BTBD9: variants seen among roughly 807,000 people sequenced by gnomAD.
The protein encoded by BTBD9 is BTB/POZ domain-containing protein 9.
In BTBD9, 49 loss-of-function variants were observed where a neutral mutation model predicts 64.3. The observed-to-expected ratio is 0.76, with a 90% CI of 0.61 to 0.97. The LOEUF (loss-of-function observed/expected upper bound fraction) is 0.97, where lower values mean the gene tolerates loss of function less well. BTBD9 is among the 50% of genes least tolerant of loss of function. The pLI is 0.00. For synonymous variants in BTBD9, 260 were observed against 274.7 expected (o/e 0.95, Z 0.53); for missense variants, 598 against 762.1 (o/e 0.78, Z 2.53).
At chr6:38,296,164 T>C (rs1762152435) in intron 7 of BTBD9, among the ~76,000 whole-genome samples, 2 of 152,216 alleles carry the variant, frequency 1.3e-5, no homozygotes, top group South Asian at 4.1e-4. Context: ...TAATTGTAAA[T>C]CTTAGTTAGC....
intron 6 of BTBD9, among the ~76,000 whole-genome samples, chr6:38,573,855 G>C (rs1187639294): frequency 2.0e-5 from 3 of 152,126 alleles, no homozygotes; most frequent in African/African-American, 7.2e-5. Context: ...TTTCTGTTTA[G>C]TACTAGGCTC....
chr6:38,356,658 CAT>C (rs1018695622), intron 6 of BTBD9, among the ~76,000 whole-genome samples: 1 of 152,100 alleles, frequency 6.6e-6, no homozygotes, highest in Non-Finnish European at 1.5e-5. Context: ...AGTTTCCTCA[CAT>C]GTCTGGTTGT....
intron 7 of BTBD9, among the ~76,000 whole-genome samples, chr6:38,303,169 C>T (rs564363983): frequency 1.3e-5 from 2 of 152,236 alleles, no homozygotes; most frequent in Admixed American, 6.5e-5. Flanking sequence ...TCTATAATTG[C>T]TATTGCTGCC....
chr6:38,190,617 A>C (rs1226648688), intron 10 of BTBD9, among the ~76,000 whole-genome samples: 4 of 152,178 alleles, frequency 2.6e-5, no homozygotes, highest in Non-Finnish European at 5.9e-5. Flanking sequence ...CTAGTGACCT[A>C]CTATCCAACC....
At chr6:38,496,874 C>T (rs1321897026) in intron 6 of BTBD9, among the ~76,000 whole-genome samples, 2 of 152,128 alleles carry the variant, frequency 1.3e-5, no homozygotes, top group African/African-American at 2.4e-5. Flanking sequence ...TCCCTTGCTA[C>T]GTTAGTGTCT....
chr6:38,317,358 C>G (rs1371106508), intron 7 of BTBD9, among the ~76,000 whole-genome samples: 1 of 152,166 alleles, frequency 6.6e-6, no homozygotes, highest in Non-Finnish European at 1.5e-5. Flanking sequence ...ACTGAAAGGT[C>G]TGCTGCCAGA....
chr6:38,605,236 G>C (rs541640289), intron 1 of BTBD9, among the ~76,000 whole-genome samples: 1 of 151,962 alleles, frequency 6.6e-6, no homozygotes, highest in South Asian at 2.1e-4. Flanking sequence ...TAGTAGAGAC[G>C]GGGTTTCACC....
Position 38,172,825 on chromosome 6 carries a change from T to G in BTBD9, c.*2160A>C, listed in dbSNP as rs1202102912. The G allele has an allele frequency of 6.6e-6, 1 of 152,324 alleles. No homozygotes were observed. Among genetic ancestry groups the G allele is most frequent in the African/African-American group, 2.4e-5 (1 of 41,466 alleles). 9.4% of individuals were successfully genotyped at this position (152,324 alleles called of 1,614,324 possible). A position where few individuals can be genotyped will look rare whatever the true frequency, so the allele number is the denominator to read the frequency against. On this transcript the variant is annotated 3_prime_UTR_variant, in exon 11 of 11. Transcript: ENST00000481247. ...CAGATGTGGGTCTAGGGCCGAGGCTTTGCAGCGTATTCCTTTTCAGATGCG... is the reference window on the plus strand; with the variant it reads ...CAGATGTGGGTCTAGGGCCGAGGCTGTGCAGCGTATTCCTTTTCAGATGCG...
chr6:38,334,825 C>A (rs1295562083), intron 7 of BTBD9, among the ~76,000 whole-genome samples: 1 of 151,560 alleles, frequency 6.6e-6, no homozygotes, highest in Non-Finnish European at 1.5e-5. Flanking sequence ...AAAACAAGAG[C>A]AGTAAAAATT....
chr6:38,201,720 G>A (rs1762467723), intron 9 of BTBD9, among the ~76,000 whole-genome samples: 1 of 152,176 alleles, frequency 6.6e-6, no homozygotes, highest in Non-Finnish European at 1.5e-5. Context: ...ACTCTTAAGG[G>A]TTGATAAGCA....
At chr6:38,570,804 C>T (rs908319262) in intron 6 of BTBD9, among the ~76,000 whole-genome samples, 23 of 152,146 alleles carry the variant, frequency 1.5e-4, no homozygotes, top group African/African-American at 5.6e-4. Flanking sequence ...ACATAATTAA[C>T]GCTCCACATC....
At chr6:38,260,487 C>T (rs567548597) in intron 8 of BTBD9, among the ~76,000 whole-genome samples, 1 of 152,194 alleles carries the variant, frequency 6.6e-6, no homozygotes, top group South Asian at 2.1e-4. Flanking sequence ...CATCTCAAAA[C>T]ATTTCATGGA....
At chr6:38,468,585 G>A (rs191623457) in intron 6 of BTBD9, among the ~76,000 whole-genome samples, 418 of 152,164 alleles carry the variant, frequency 2.7e-3, no homozygotes, top group Non-Finnish European at 4.4e-3. Context: ...AATACATACT[G>A]CTTTATTATT....
chr6:38,596,628 G>A (rs1322407198), intron 2 of BTBD9, among the ~76,000 whole-genome samples: 2 of 151,822 alleles, frequency 1.3e-5, no homozygotes, highest in Admixed American at 1.3e-4. Context: ...GTGAAACCCC[G>A]TCTCTATTAA....
chr6:38,449,944 A>G (rs1769445220), intron 6 of BTBD9, among the ~76,000 whole-genome samples: 2 of 152,228 alleles, frequency 1.3e-5, no homozygotes, highest in South Asian at 4.1e-4. Flanking sequence ...GGATTACATA[A>G]AACTAAAAAG....
intron 8 of BTBD9, among the ~76,000 whole-genome samples, chr6:38,264,635 T>C (rs897642425): frequency 5.3e-5 from 8 of 152,186 alleles, no homozygotes; most frequent in Admixed American, 3.9e-4. Flanking sequence ...AGAGGGACTT[T>C]CCCAAAGATG....
At chr6:38,224,566 G>C (rs1763324981) in intron 9 of BTBD9, among the ~76,000 whole-genome samples, 1 of 152,200 alleles carries the variant, frequency 6.6e-6, no homozygotes, top group Non-Finnish European at 1.5e-5. Context: ...CAATGGAGAA[G>C]CTCTATCAAC....
At chr6:38,242,670 T>G (rs1438921331) in intron 9 of BTBD9, among the ~76,000 whole-genome samples, 1 of 152,234 alleles carries the variant, frequency 6.6e-6, no homozygotes, top group Non-Finnish European at 1.5e-5. Context: ...TCCTGTCTCC[T>G]CAGAATTTTC....
chr6:38,308,761 A>G (rs968458081), intron 7 of BTBD9, among the ~76,000 whole-genome samples: 5 of 151,936 alleles, frequency 3.3e-5, no homozygotes, highest in African/African-American at 1.2e-4. Flanking sequence ...ATGTGCCACC[A>G]AGCCTGGCTT....
Sources: allele counts gnomAD v4.1 joint callset (sites outside exome capture counted in the v4.1 genomes callset), GRCh38; gene constraint gnomAD v4.1.1; transcripts MANE v1.5; gene names NCBI Gene and HGNC (gene_info 2026-07-23, HGNC 2026-07-21).